The following CLNK variants were observed in gnomAD, a reference collection of about 807,000 sequenced individuals.
The protein encoded by CLNK is cytokine-dependent hematopoietic cell linker.
CLNK carries 74 observed loss-of-function variants against 68.6 expected under a neutral mutation model. The observed-to-expected ratio is 1.08, with a 90% CI of 0.89 to 1.31. The LOEUF (loss-of-function observed/expected upper bound fraction) is 1.31. CLNK is among the 50% of genes most tolerant of loss of function. CLNK has a pLI of 0.00. For missense variants in CLNK, 553 were observed against 515.3 expected (o/e 1.07, Z -0.71); for synonymous variants, 198 against 172.2 (o/e 1.15, Z -1.17).
chr4:10,528,048 G>T, intron 13 of CLNK, 28 bp downstream of exon 13: 1 of 1,277,202 alleles, frequency 7.8e-7, no homozygotes, highest in Non-Finnish European at 1.0e-6. Context: ...TTAGTATTAG[G>T]GTAAGAAAAC....
At chr4:10,671,220 AC>A (rs1724622557) in intron 1 of CLNK, among the ~76,000 whole-genome samples, 1 of 152,096 alleles carries the variant, frequency 6.6e-6, no homozygotes, top group Non-Finnish European at 1.5e-5. Context: ...ACCCGTCTCT[AC>A]TAAAAATACA....
At chr4:10,613,469 GC>G (rs1192337099) in intron 2 of CLNK, among the ~76,000 whole-genome samples, 16 of 152,202 alleles carry the variant, frequency 1.1e-4, no homozygotes, top group Admixed American at 1.0e-3. Flanking sequence ...TGGTCCAAGA[GC>G]CTTTTGGGAG....
chr4:10,584,783 C>T, intron 4 of CLNK, 144 bp downstream of exon 4: 1 of 875,876 alleles, frequency 1.1e-6, no homozygotes. Context: ...CCTGGGGCAA[C>T]TGGAAGGAAT....
At chr4:10,657,705 A>G (rs1724037858) in intron 2 of CLNK, among the ~76,000 whole-genome samples, 1 of 152,318 alleles carries the variant, frequency 6.6e-6, no homozygotes. Flanking sequence ...CAGCCTACCC[A>G]AAAGGAGGCA....
At chr4:10,499,853 T>A (rs958838525) in intron 18 of CLNK, among the ~76,000 whole-genome samples, 2 of 152,180 alleles carry the variant, frequency 1.3e-5, no homozygotes, top group African/African-American at 4.8e-5. Flanking sequence ...GCCTGTGTCC[T>A]AATCTCCTCT....
At position 10,501,498 on chromosome 4, in the gene CLNK, G is replaced by T. The variant is rs184298631; in HGVS notation, c.985-87C>A. 2.7e-3 allele frequency: 3,643 copies of T among 1,325,006 alleles called. 5 individuals are homozygous for T. The highest frequency in any genetic ancestry group is 3.5e-3 in the Non-Finnish European group (3,401 of 963,930). The allele number at this position is 1,325,006 out of a possible 1,614,324, so 82.1% of individuals were successfully genotyped here. A position where few individuals can be genotyped will look rare whatever the true frequency, so the allele number is the denominator to read the frequency against. On this transcript the variant is annotated intron_variant, in intron 17 of 18. Coordinates refer to ENST00000226951, the MANE Select transcript of CLNK (RefSeq NM_052964.4). ...TGGCAACAATGATGTCTGCATGCAT[G>T]AGATTCCCAGATGGATTTAGTTTTT...
chr4:10,600,798 C>T (rs184123918), intron 2 of CLNK, among the ~76,000 whole-genome samples: 2 of 152,316 alleles, frequency 1.3e-5, no homozygotes, highest in East Asian at 3.9e-4. Flanking sequence ...TATCCCTGCA[C>T]TGAGTAGGAG....
chr4:10,546,310 C>A (rs76058707), intron 8 of CLNK, among the ~76,000 whole-genome samples: 4,293 of 152,262 alleles, frequency 0.028, 211 homozygotes, highest in African/African-American at 0.09. Context: ...AATAACCCTG[C>A]AGCTCCTTCT....
At chr4:10,644,346 CTG>C (rs1723429081) in intron 2 of CLNK, among the ~76,000 whole-genome samples, 1 of 152,208 alleles carries the variant, frequency 6.6e-6, no homozygotes, top group African/African-American at 2.4e-5. Context: ...TAACTGACAA[CTG>C]TTCTTTCTAG....
At chr4:10,600,725 C>T (rs369098301) in intron 2 of CLNK, among the ~76,000 whole-genome samples, 5 of 152,288 alleles carry the variant, frequency 3.3e-5, no homozygotes, top group South Asian at 2.1e-4. Flanking sequence ...TACACAATAG[C>T]GAGCCATGTA....
intron 1 of CLNK, among the ~76,000 whole-genome samples, chr4:10,677,264 G>T (rs968209318): frequency 1.3e-5 from 2 of 152,140 alleles, no homozygotes; most frequent in African/African-American, 4.8e-5. Flanking sequence ...TCCCATGGAC[G>T]TCTAAAGGCT....
At chr4:10,503,621 T>A (rs1717151089) in intron 17 of CLNK, among the ~76,000 whole-genome samples, 1 of 148,466 alleles carries the variant, frequency 6.7e-6, no homozygotes, top group Non-Finnish European at 1.5e-5. Context: ...ATAATAATGG[T>A]AATAATACTA....
At chr4:10,623,817 G>A (rs994900421) in intron 2 of CLNK, among the ~76,000 whole-genome samples, 7 of 152,318 alleles carry the variant, frequency 4.6e-5, no homozygotes, top group African/African-American at 1.7e-4. Context: ...TGCTACAGAA[G>A]GAGAACCCAA....
At chr4:10,542,941 A>T (rs1719096590) in intron 8 of CLNK, among the ~76,000 whole-genome samples, 1 of 152,126 alleles carries the variant, frequency 6.6e-6, no homozygotes, top group Admixed American at 6.6e-5. Flanking sequence ...TTCTATTTCC[A>T]TAATTCAACT....
At chr4:10,545,337 C>G (rs1225875727) in intron 8 of CLNK, among the ~76,000 whole-genome samples, 1 of 152,206 alleles carries the variant, frequency 6.6e-6, no homozygotes, top group Non-Finnish European at 1.5e-5. Flanking sequence ...AAAGGGATAA[C>G]AGGCCCCACC....
At chr4:10,664,319 T>C (rs919715649) in intron 2 of CLNK, among the ~76,000 whole-genome samples, 15 of 152,238 alleles carry the variant, frequency 9.9e-5, no homozygotes, top group African/African-American at 2.4e-4. Flanking sequence ...GCCTCCCTGA[T>C]GATTCTAACG....
At chr4:10,675,132 T>C (rs1724817960) in intron 1 of CLNK, among the ~76,000 whole-genome samples, 1 of 152,128 alleles carries the variant, frequency 6.6e-6, no homozygotes, top group African/African-American at 2.4e-5. Flanking sequence ...TGCACATGTA[T>C]CCCAGAACTT....
At chr4:10,575,890 G>T (rs1444147470) in intron 4 of CLNK, among the ~76,000 whole-genome samples, 1 of 152,166 alleles carries the variant, frequency 6.6e-6, no homozygotes, top group Non-Finnish European at 1.5e-5. Context: ...ATTATAGGTG[G>T]TAGTCCTCCC....
At chr4:10,578,813 C>T (rs913652194) in intron 4 of CLNK, among the ~76,000 whole-genome samples, 1 of 152,042 alleles carries the variant, frequency 6.6e-6, no homozygotes, top group African/African-American at 2.4e-5. Flanking sequence ...TTCAAGTAAT[C>T]CACCTGCCTC....
Sources: allele counts gnomAD v4.1 joint callset (sites outside exome capture counted in the v4.1 genomes callset), GRCh38; gene constraint gnomAD v4.1.1; transcripts MANE v1.5; gene names NCBI Gene and HGNC (gene_info 2026-07-23, HGNC 2026-07-21).